The following RPTOR variants were observed in gnomAD, a reference collection of about 807,000 sequenced individuals.
RPTOR encodes regulatory-associated protein of mTOR.
Under a neutral mutation model 169.9 loss-of-function variants are expected in RPTOR, and 21 were observed. The ratio of observed to expected loss-of-function variants is 0.12; its 90% CI spans 0.09 to 0.18. The LOEUF (loss-of-function observed/expected upper bound fraction) is 0.18, where lower values mean the gene tolerates loss of function less well. Ranked by LOEUF, RPTOR falls within the 10% of genes least tolerant of loss-of-function variation. RPTOR has a pLI of 1.00. For missense variants in RPTOR, 1,133 were observed against 1,855.9 expected (o/e 0.61, Z 7.16); for synonymous variants, 732 against 753.2 (o/e 0.97, Z 0.46).
At chr17:80,778,519 AC>A (rs1314492398) in intron 6 of RPTOR, among the ~76,000 whole-genome samples, 2 of 152,070 alleles carry the variant, frequency 1.3e-5, no homozygotes, top group African/African-American at 2.4e-5. Context: ...TTTTCCATAC[AC>A]CCCACACGAT....
At chr17:80,704,405 T>C (rs976370529) in intron 3 of RPTOR, among the ~76,000 whole-genome samples, 1 of 152,142 alleles carries the variant, frequency 6.6e-6, no homozygotes, top group Non-Finnish European at 1.5e-5. Context: ...AAATAAACAG[T>C]TGATGAATCC....
At position 80,545,575 on chromosome 17, in the gene RPTOR, GC is replaced by G; in HGVS notation, c.-54del. 7.2e-7 allele frequency: 1 copy of G among 1,391,854 alleles called. No individual in the cohort carries two copies. The highest frequency in any genetic ancestry group is 9.9e-7 in the Non-Finnish European group (1 of 1,009,206). The allele number at this position is 1,391,854 out of a possible 1,614,324, so 86.2% of individuals were successfully genotyped here. A position where few individuals can be genotyped will look rare whatever the true frequency, so the allele number is the denominator to read the frequency against. On this transcript the variant is annotated 5_prime_UTR_variant, in exon 1 of 34. Coordinates refer to ENST00000306801, the MANE Select transcript of RPTOR (RefSeq NM_020761.3). ...ATTCTGGTACACGCTAGTTTTTAAG[GC>G]TGGAGGTTCTCGAGCGCTTGCTGCC... is the stretch of plus-strand genomic sequence containing the variant.
At chr17:80,668,239 C>T (rs2065795748) in intron 3 of RPTOR, among the ~76,000 whole-genome samples, 1 of 152,176 alleles carries the variant, frequency 6.6e-6, no homozygotes, top group African/African-American at 2.4e-5. Context: ...AGGAGGGTGG[C>T]TACTGAGAGG....
chr17:80,648,328 T>C (rs1299759125), intron 3 of RPTOR, among the ~76,000 whole-genome samples: 1 of 152,138 alleles, frequency 6.6e-6, no homozygotes, highest in Non-Finnish European at 1.5e-5. Flanking sequence ...TTTTGGATTT[T>C]AGGCACAAGT....
intron 21 of RPTOR, among the ~76,000 whole-genome samples, chr17:80,913,128 A>G (rs2068632343): frequency 6.6e-6 from 1 of 152,176 alleles, no homozygotes; most frequent in Non-Finnish European, 1.5e-5. Context: ...TTTTAATTTC[A>G]AGAAATGCCT....
Position 80,633,644 on chromosome 17 carries a change from C to T in RPTOR, c.265+7851C>T, listed in dbSNP as rs1293804669. Among the ~76,000 whole-genome samples, 3 of 152,212 alleles carry T rather than the reference C, an allele frequency of 2.0e-5. No homozygotes were observed. Among genetic ancestry groups the T allele is most frequent in the East Asian group, 1.9e-4 (1 of 5,200 alleles). On this transcript the variant is annotated intron_variant, in intron 2 of 33. Coordinates refer to ENST00000306801, the MANE Select transcript of RPTOR (RefSeq NM_020761.3). This position sits in a 1 kb window ranked among gnomAD's most constrained non-coding sequence, Gnocchi z 4.1. ...AGATCTTCTCACCTGATTCAGCTGG[C>T]GCCTGCTGGACCTCATGTGAAATTC...
At chr17:80,737,503 C>T (rs1379518104) in intron 5 of RPTOR, among the ~76,000 whole-genome samples, 3 of 152,194 alleles carry the variant, frequency 2.0e-5, no homozygotes, top group Non-Finnish European at 2.9e-5. Context: ...GGTGAGACGC[C>T]GGCTGTCCTG....
intron 28 of RPTOR, among the ~76,000 whole-genome samples, chr17:80,954,308 G>T (rs945423961): frequency 6.6e-6 from 1 of 152,116 alleles, no homozygotes; most frequent in African/African-American, 2.4e-5. Flanking sequence ...TTTTAGTAGA[G>T]ACGGTGTTTC....
At chr17:80,552,527 A>G (rs150897295) in intron 1 of RPTOR, among the ~76,000 whole-genome samples, 14 of 152,372 alleles carry the variant, frequency 9.2e-5, no homozygotes, top group Admixed American at 3.3e-4. Context: ...GCTTTTCATC[A>G]TAAAGCAAGG....
chr17:80,556,463 A>G (rs929910450), intron 1 of RPTOR, among the ~76,000 whole-genome samples: 2 of 152,116 alleles, frequency 1.3e-5, no homozygotes, highest in African/African-American at 2.4e-5. Context: ...GTAGTAAGCT[A>G]TGATTGTGCT....
In RPTOR at chr17:80,592,920, T is replaced by G. The variant is rs1002031775; in HGVS notation, c.163-32771T>G. Among the ~76,000 whole-genome samples, 5 of 152,302 alleles carry G rather than the reference T, an allele frequency of 3.3e-5. No homozygotes were observed. In the East Asian group the frequency reaches 7.7e-4, roughly 24 times the overall value. On this transcript the variant is annotated intron_variant, in intron 1 of 33. Transcript: ENST00000306801. ...AATGGCGGGCAGTGCTGTCGGAGTC[T>G]TAGTGGCTCCCAGTTGACCCAGTCG...
At chr17:80,739,504 C>T (rs1255625989) in intron 5 of RPTOR, among the ~76,000 whole-genome samples, 1 of 152,150 alleles carries the variant, frequency 6.6e-6, no homozygotes, top group African/African-American at 2.4e-5. Flanking sequence ...AGGATACTCC[C>T]TCCAGCAGCA....
chr17:80,922,627 G>T, intron 21 of RPTOR, 97 bp from the exon 22 acceptor site: 1 of 1,006,178 alleles, frequency 9.9e-7, no homozygotes, highest in Non-Finnish European at 1.5e-6. Flanking sequence ...CCTTTTCTGT[G>T]ATTCTGAAGC....
chr17:80,690,387 GA>G (rs2065981231), intron 3 of RPTOR, among the ~76,000 whole-genome samples: 1 of 152,122 alleles, frequency 6.6e-6, no homozygotes, highest in Non-Finnish European at 1.5e-5. Context: ...CAAGTGAGAT[GA>G]ATGTATTGTG....
chr17:80,863,356 C>T (rs934151424), intron 13 of RPTOR, among the ~76,000 whole-genome samples: 1 of 152,154 alleles, frequency 6.6e-6, no homozygotes, highest in South Asian at 2.1e-4. Context: ...CAGAAATTAC[C>T]AGGCAGATAG....
At chr17:80,832,965 C>G (rs181759623) in intron 9 of RPTOR, among the ~76,000 whole-genome samples, 1 of 152,202 alleles carries the variant, frequency 6.6e-6, no homozygotes, top group African/African-American at 2.4e-5. Context: ...CTTCAGGCCG[C>G]GGCAGTAATG....
rs182993190 is a variant in RPTOR at position 80,922,026 on chromosome 17, G to A, written c.2521-698G>A. Among the ~76,000 whole-genome samples the A allele has an allele frequency of 3.6e-3, 542 of 152,294 alleles. 1 individual carries two copies. Among genetic ancestry groups the A allele is most frequent in the Admixed American group, 0.01 (154 of 15,304 alleles). Reference sequence around the variant, plus strand: ...CAGTCCAGGCAGCAGAGCCCATTTTGCCACTGGAGAGAGCCCAAGCCCCCT... The same window carrying A: ...CAGTCCAGGCAGCAGAGCCCATTTTACCACTGGAGAGAGCCCAAGCCCCCT... On this transcript the variant is annotated intron_variant, in intron 21 of 33. Coordinates refer to ENST00000306801, the MANE Select transcript of RPTOR (RefSeq NM_020761.3).
chr17:80,713,946 A>T (rs973623101), intron 4 of RPTOR, among the ~76,000 whole-genome samples: 2 of 151,778 alleles, frequency 1.3e-5, no homozygotes, highest in African/African-American at 2.4e-5. Flanking sequence ...TAGTTAAAAA[A>T]TTTTTTTTTG....
At chr17:80,615,554 G>A (rs766256139) in intron 1 of RPTOR, among the ~76,000 whole-genome samples, 15 of 152,082 alleles carry the variant, frequency 9.9e-5, no homozygotes, top group African/African-American at 2.4e-4. Flanking sequence ...CTTAATGGAC[G>A]GCTTATTACT....
Sources: allele counts gnomAD v4.1 joint callset (sites outside exome capture counted in the v4.1 genomes callset), GRCh38; gene constraint gnomAD v4.1.1; non-coding constraint Gnocchi (gnomAD v3.1); transcripts MANE v1.5; gene names NCBI Gene and HGNC (gene_info 2026-07-23, HGNC 2026-07-21).